The following DISP3 variants were observed in gnomAD, a reference collection of about 807,000 sequenced individuals.
DISP3 encodes the protein protein dispatched homolog 3.
In DISP3, 101 loss-of-function variants were observed where a neutral mutation model predicts 135.3. The observed-to-expected ratio is 0.75, with a 90% confidence interval of 0.64 to 0.88. The LOEUF (loss-of-function observed/expected upper bound fraction) is 0.88. Among genes scored for constraint, DISP3 ranks in the 40% least tolerant of loss-of-function variants. The pLI, the probability that DISP3 is intolerant of heterozygous loss-of-function variation, is 0.00. For missense variants in DISP3, 1,713 were observed against 1,878.6 expected, an observed-to-expected ratio of 0.91 and a Z score of 1.63; for synonymous variants, 856 against 817.0, an observed-to-expected ratio of 1.05 and a Z score of -0.81.
At position 11,523,980 on chromosome 1, in the gene DISP3, A is replaced by T; in HGVS notation, c.2401A>T (p.Ile801Phe). The T allele has an allele frequency of 6.2e-7, 1 of 1,613,048 alleles. No homozygotes were observed. The highest frequency in any genetic ancestry group is 8.5e-7 in the Non-Finnish European group (1 of 1,179,536). The change falls in exon 11 of 21, where the codon ATC becomes TTC. Residue 801 changes from isoleucine to phenylalanine, a missense_variant. Coordinates refer to ENST00000294484, the MANE Select transcript of DISP3 (RefSeq NM_020780.2). The stretch of plus-strand genomic sequence containing the variant: ...GAAGCCCCACAGCCTGCAGAACAAC[A>T]TCCGGACGTCCCTGGAGAAGAAGAG... ...QEKPHSLQNN[I>F]RTSLEKKRRG...
rs745701781 is a variant in DISP3, at chr1:11,501,915, A to C, written c.923A>C (p.His308Pro). 5 of 1,613,582 alleles carry C rather than the reference A, an allele frequency of 3.1e-6. No homozygotes were observed. The change falls in exon 2 of 21, where the codon CAC (histidine) becomes CCC (proline). Residue 308 changes from histidine to proline, a missense_variant. His to Pro is a moderately conservative substitution (Grantham distance 77, BLOSUM62 -2). Around this residue, in one of 2 missense-constraint regions of DISP3, gnomAD observed 571 missense variants for 494.1 expected, o/e 1.16. Transcript: ENST00000294484. The surrounding 1 kb of genome is among the most constrained non-coding windows in gnomAD (Gnocchi z 4.9). ...IHEIERKIMD[H>P]PGFREFCWKP... ...GAGATCGAGCGCAAGATCATGGACC[A>C]CCCAGGCTTCCGGGAGTTCTGCTGG...
At position 11,536,215 on chromosome 1, in the gene DISP3, CA is replaced by C. The variant is rs1361312231; in HGVS notation, c.3817-108del. 5 of 1,441,030 alleles carry C rather than the reference CA, an allele frequency of 3.5e-6. No individual in the cohort carries two copies. In the African/African-American group the frequency reaches 7.1e-5, roughly 21 times the overall value. 89.3% of individuals were successfully genotyped at this position (1,441,030 alleles called of 1,614,324 possible). A position where few individuals can be genotyped will look rare whatever the true frequency, so the allele number is the denominator to read the frequency against. ...GGGAGGCCACTTGCAGCTCTCATCC[CA>C]GTAACAGAGCAGGAACCTGGCGTGG... is the stretch of plus-strand genomic sequence containing the variant. On this transcript the variant is annotated intron_variant, in intron 20 of 20. Coordinates refer to ENST00000294484, the MANE Select transcript of DISP3 (RefSeq NM_020780.2). The surrounding 1 kb of genome is among the most constrained non-coding windows in gnomAD (Gnocchi z 4.3).
At position 11,494,355 on chromosome 1, in the gene DISP3, GC is replaced by G. The variant is rs144341385; in HGVS notation, c.-3-6634del. 2.7e-3 allele frequency among the ~76,000 whole-genome samples: 412 copies of G among 152,254 alleles called. 2 individuals are homozygous for G. The highest frequency in any genetic ancestry group is 9.4e-3 in the African/African-American group (391 of 41,548). On this transcript the variant is annotated intron_variant, in intron 1 of 20. Transcript: ENST00000294484. ...GAACTAGCTGGGCTGAACTAGCTGG[GC>G]TTTTGACTGCACTCCATGTGTGTGA...
chr1:11,522,661 A>AGCCAGGGCCCAGCCAGGGCCCAGCCAGG (rs1642250183), intron 10 of DISP3, among the ~76,000 whole-genome samples: 1 of 43,220 alleles, frequency 2.3e-5, no homozygotes, highest in Non-Finnish European at 4.6e-5. Context: ...GCCCAGCCAG[A>AGCCAGGGCCCAGCCAGGGCCCAGCCAGG]GCCCAGCCAG....
At chr1:11,517,415 C>A (rs563786886) in intron 6 of DISP3, 48 bp from the exon 7 acceptor site, 15 of 1,602,572 alleles carry the variant, frequency 9.4e-6, no homozygotes, top group South Asian at 8.8e-5. Flanking sequence ...GGCCCCCTGA[C>A]TGCAGGTCCA....
chr1:11,498,683 A>AGGG (rs1641411808), intron 1 of DISP3, among the ~76,000 whole-genome samples: 1 of 152,282 alleles, frequency 6.6e-6, no homozygotes, highest in South Asian at 2.1e-4. Context: ...TGTATCTGTT[A>AGGG]GGGGTTCCAG....
rs374610106 is a variant in DISP3 at position 11,516,036 on chromosome 1, C to G, written c.1624C>G (p.Arg542Gly). The G allele has an allele frequency of 4.3e-6, 7 of 1,614,036 alleles. No individual in the cohort carries two copies. Among genetic ancestry groups the G allele is most frequent in the Non-Finnish European group, 5.9e-6 (7 of 1,179,982 alleles). ...TGTCTTTGTGTTCATCAACACCTAC[C>G]GCCAGGCCACCCACCTGGAAGACCC... Reference protein sequence around the residue: ...DDVFVFINTYRQATHLEDPQL... With the variant: ...DDVFVFINTYGQATHLEDPQL... Residue 542 changes from arginine to glycine, a missense_variant, in exon 6 of 21, where the codon CGC becomes GGC. By Grantham distance (125) the Arg-to-Gly change is moderately radical (BLOSUM62 -2). Around this residue, in one of 2 missense-constraint regions of DISP3, gnomAD observed 1,142 missense variants for 1,384.6 expected, o/e 0.82. Coordinates refer to ENST00000294484, the MANE Select transcript of DISP3 (RefSeq NM_020780.2). The surrounding 1 kb of genome is among the most constrained non-coding windows in gnomAD (Gnocchi z 5.1).
Position 11,529,430 on chromosome 1 carries a change from G to A in DISP3, c.2799-126G>A, listed in dbSNP as rs143625383. The stretch of plus-strand genomic sequence containing the variant: ...CAACCTGAGAACAAATCCCCATGCC[G>A]GGGCAGAGCCCGAGTCCAGACCCCA... On this transcript the variant is annotated intron_variant, in intron 13 of 20. Transcript: ENST00000294484. This position sits in a 1 kb window ranked among gnomAD's most constrained non-coding sequence, Gnocchi z 4.7. 3.4e-4 allele frequency: 393 copies of A among 1,161,868 alleles called. 1 individual carries two copies. The African/African-American group carries it at 4.2e-3, about 12-fold the overall frequency. 72.0% of individuals were successfully genotyped at this position (1,161,868 alleles called of 1,614,324 possible). A position where few individuals can be genotyped will look rare whatever the true frequency, so the allele number is the denominator to read the frequency against.
At chr1:11,506,663 A>G (rs1014019374) in intron 3 of DISP3, among the ~76,000 whole-genome samples, 2 of 152,144 alleles carry the variant, frequency 1.3e-5, no homozygotes, top group South Asian at 2.1e-4. Context: ...TCTGTTCTTA[A>G]ACATATTAAT....
At chr1:11,522,572 GGACCCAGCCAA>G (rs1448944119) in intron 10 of DISP3, among the ~76,000 whole-genome samples, 2,518 of 148,868 alleles carry the variant, frequency 0.017, 196 homozygotes, top group East Asian at 0.049. Flanking sequence ...AGCCCAGCCA[GGACCCAGCCAA>G]GACCCAGCCA....
intron 17 of DISP3, among the ~76,000 whole-genome samples, chr1:11,534,093 A>C (rs1642643637): frequency 6.6e-6 from 1 of 152,224 alleles, no homozygotes; most frequent in South Asian, 2.1e-4. Flanking sequence ...GAGCAGGCAG[A>C]GGGAACAGCA....
At chr1:11,523,868 C>T in intron 10 of DISP3, 74 bp from the exon 11 acceptor site, 1 of 1,251,752 alleles carries the variant, frequency 8.0e-7, no homozygotes, top group Non-Finnish European at 1.1e-6. Flanking sequence ...ATCCCAGCCT[C>T]TTCCCTCTGC....
intron 1 of DISP3, among the ~76,000 whole-genome samples, chr1:11,490,844 T>C (rs536012031): frequency 6.6e-6 from 1 of 152,266 alleles, no homozygotes; most frequent in South Asian, 2.1e-4. Context: ...TCAGACGTGA[T>C]ATAAATAAAT....
At position 11,535,495 on chromosome 1, in the gene DISP3, G is replaced by C. The variant is rs1471633376; in HGVS notation, c.3667G>C (p.Val1223Leu). Residue 1223 changes from valine (V) to leucine (L), a missense_variant, in exon 20 of 21, where the codon GTG becomes CTG. By Grantham distance (32) the Val-to-Leu change is conservative (BLOSUM62 1). Coordinates refer to ENST00000294484, the MANE Select transcript of DISP3 (RefSeq NM_020780.2). ...CCTTGCAGGCATCGTGTGCCTGGTG[G>C]TGACCATCATGTACTGGAGCGGCTG... ...LSILGIVCLV[V>L]TIMYWSGWEM... 1.9e-6 allele frequency: 3 copies of C among 1,611,386 alleles called. No individual in the cohort carries two copies. The African/African-American group carries it at 4.0e-5, about 22-fold the overall frequency.
At position 11,515,433 on chromosome 1, in the gene DISP3, C is replaced by T. The variant is rs369625003; in HGVS notation, c.1518C>T (p.Tyr506=). Reference sequence around the variant, plus strand: ...GCTGCCTGGTGGCCCTCTTCCTGTACCACGTGGTCTTTGGTATCCAGTACT... The same window carrying T: ...GCTGCCTGGTGGCCCTCTTCCTGTATCACGTGGTCTTTGGTATCCAGTACT... ...GLSCLVALFL[Y]HVVFGIQYLG... The change falls in exon 5 of 21, where the codon TAC becomes TAT. Residue 506 remains tyrosine (Y), a synonymous_variant. Coordinates refer to ENST00000294484, the MANE Select transcript of DISP3 (RefSeq NM_020780.2). The T allele has an allele frequency of 1.3e-5, 21 of 1,613,922 alleles. No homozygotes were observed. The highest frequency in any genetic ancestry group is 1.7e-5 in the Non-Finnish European group (20 of 1,179,916).
In DISP3 at chr1:11,499,931, G is replaced by C. The variant is rs1275692233; in HGVS notation, c.-3-1059G>C. Among the ~76,000 whole-genome samples, 25 of 152,262 alleles carry C rather than the reference G, an allele frequency of 1.6e-4. No homozygotes were observed. The highest frequency in any genetic ancestry group is 1.5e-4 in the Non-Finnish European group (10 of 68,052). ...ATTAGCTTCCTCCTCTTACCGCCTAGCATCTAACTGGATAATGAGTCTCTC... is the reference window on the plus strand; with the variant it reads ...ATTAGCTTCCTCCTCTTACCGCCTACCATCTAACTGGATAATGAGTCTCTC... On this transcript the variant is annotated intron_variant, in intron 1 of 20. Transcript: ENST00000294484. This position sits in a 1 kb window ranked among gnomAD's most constrained non-coding sequence, Gnocchi z 5.2.
In DISP3 at chr1:11,531,536, C is replaced by A; in HGVS notation, c.3230-29C>A. On this transcript the variant is annotated intron_variant, in intron 16 of 20. Coordinates refer to ENST00000294484, the MANE Select transcript of DISP3 (RefSeq NM_020780.2). The surrounding 1 kb of genome is among the most constrained non-coding windows in gnomAD (Gnocchi z 5.2). ...GGGACAGGCTCTTCCAGGGCCACCA[C>A]GCACTCCCTTTCTTGCCTCTCCCCG... 6.2e-7 allele frequency: 1 copy of A among 1,613,018 alleles called. No individual in the cohort carries two copies. Among genetic ancestry groups the A allele is most frequent in the South Asian group, 1.1e-5 (1 of 91,076 alleles).
intron 11 of DISP3, among the ~76,000 whole-genome samples, chr1:11,524,403 G>A (rs1263869293): frequency 1.3e-5 from 2 of 151,954 alleles, no homozygotes; most frequent in Non-Finnish European, 2.9e-5. Context: ...CAAGTGTACT[G>A]GGGGAATGAA....
chr1:11,526,628 GTC>G (rs1298803989), intron 12 of DISP3, 21 bp from the exon 13 acceptor site: 4 of 1,601,312 alleles, frequency 2.5e-6, no homozygotes, highest in Non-Finnish European at 2.6e-6. Context: ...CATGTGTCTT[GTC>G]TCTGTCAACC....
Sources: allele counts gnomAD v4.1 joint callset (sites outside exome capture counted in the v4.1 genomes callset), GRCh38; gene constraint gnomAD v4.1.1; regional missense constraint gnomAD v4.1.1; non-coding constraint Gnocchi (gnomAD v3.1); transcripts MANE v1.5; gene names NCBI Gene and HGNC (gene_info 2026-07-23, HGNC 2026-07-21).